The following SOX5 variants were observed in gnomAD, a reference collection of about 807,000 sequenced individuals.
SOX5 encodes the protein transcription factor SOX-5.
A neutral mutation model predicts 92.0 loss-of-function variants in SOX5; 9 were observed. That is an observed-to-expected ratio of 0.10 (90% confidence interval 0.06 to 0.17). The LOEUF is 0.17. Among genes scored for constraint, SOX5 ranks in the 10% least tolerant of loss-of-function variants. SOX5 has a pLI of 1.00. For synonymous variants in SOX5, 344 were observed against 336.3 expected (o/e 1.02, Z -0.25); for missense variants, 642 against 944.5 (o/e 0.68, Z 4.20).
At chr12:23,593,413 T>C (rs1421132917) in intron 9 of SOX5, among the ~76,000 whole-genome samples, 1 of 152,208 alleles carries the variant, frequency 6.6e-6, no homozygotes, top group Non-Finnish European at 1.5e-5. Context: ...TGAATAATGA[T>C]GGAGAACCTC....
intron 8 of SOX5, among the ~76,000 whole-genome samples, chr12:23,608,270 A>G (rs915006569): frequency 6.6e-6 from 1 of 152,120 alleles, no homozygotes; most frequent in Non-Finnish European, 1.5e-5. Flanking sequence ...TGTGATCTCT[A>G]AAACTTCACA....
intron 8 of SOX5, among the ~76,000 whole-genome samples, chr12:23,622,449 C>T (rs1350359709): frequency 2.0e-5 from 3 of 151,990 alleles, no homozygotes; most frequent in Non-Finnish European, 2.9e-5. Context: ...CTTTTCTGAT[C>T]CTACACTTCA....
At chr12:24,237,653 T>C (rs537888298) in intron 3 of SOX5, among the ~76,000 whole-genome samples, 32 of 152,066 alleles carry the variant, frequency 2.1e-4, no homozygotes, top group Non-Finnish European at 4.1e-4. Context: ...TTTGAACTAG[T>C]CAAGTTGTAT....
intron 4 of SOX5, among the ~76,000 whole-genome samples, chr12:24,116,787 T>C (rs536200248): frequency 3.3e-5 from 5 of 152,286 alleles, no homozygotes; most frequent in Admixed American, 2.6e-4. Flanking sequence ...CTGCTCTGTA[T>C]TGTTTAATTT....
chr12:24,079,339 A>T (rs1211764079), intron 4 of SOX5, among the ~76,000 whole-genome samples: 1 of 151,918 alleles, frequency 6.6e-6, no homozygotes, highest in Non-Finnish European at 1.5e-5. Flanking sequence ...GAACCATCTA[A>T]CTGTTAACCC....
intron 3 of SOX5, among the ~76,000 whole-genome samples, chr12:24,243,022 T>A (rs1937784648): frequency 1.3e-5 from 2 of 152,124 alleles, no homozygotes; most frequent in Admixed American, 6.5e-5. Context: ...TCTTTATACA[T>A]AGCAAGAGGA....
chr12:23,708,140 A>C (rs1489773920), intron 6 of SOX5, among the ~76,000 whole-genome samples: 2 of 152,052 alleles, frequency 1.3e-5, no homozygotes, highest in Non-Finnish European at 1.5e-5. Flanking sequence ...AATACTATAG[A>C]GGTTCAGAAG....
At chr12:24,088,791 C>G (rs913127935) in intron 4 of SOX5, among the ~76,000 whole-genome samples, 1 of 152,012 alleles carries the variant, frequency 6.6e-6, no homozygotes, top group Non-Finnish European at 1.5e-5. Context: ...TACAATCCTA[C>G]TGATAACAGT....
chr12:23,846,035 A>G lies in SOX5; in HGVS notation c.429T>C (p.Val143=), dbSNP rs753905699. 44 of 1,614,014 alleles carry G rather than the reference A, an allele frequency of 2.7e-5. No individual in the cohort carries two copies. Among genetic ancestry groups the G allele is most frequent in the Non-Finnish European group, 3.6e-5 (42 of 1,180,010 alleles). ...ERRKGSLADV[V]DTLKQRKMEE... ...CCATTTTCCTCTGCTTCAAGGTGTC[A>G]ACAACATCAGCTAAACTGCCCTTGC... Residue 143 remains valine (V), a synonymous_variant, in exon 3 of 15, where the codon GTT becomes GTC. Transcript: ENST00000451604.
intron 2 of SOX5, among the ~76,000 whole-genome samples, chr12:23,872,747 A>G (rs1178851013): frequency 1.3e-5 from 2 of 152,204 alleles, no homozygotes; most frequent in African/African-American, 4.8e-5. Flanking sequence ...TGACTAATAT[A>G]ACCTTGATTT....
Position 24,198,235 on chromosome 12 carries a change from T to C in SOX5, c.-2+15108A>G, listed in dbSNP as rs529260898. ...TCCAAAATGAGAACAGAAACAATTG[T>C]AAAAAGAAAGGAGAGGGAGGGGTTG... is the stretch of plus-strand genomic sequence containing the variant. On this transcript the variant is annotated intron_variant, in intron 4 of 4. Transcript: ENST00000446891. Among the ~76,000 whole-genome samples, 35 of 144,700 alleles carry C rather than the reference T, an allele frequency of 2.4e-4. 1 individual carries two copies. The highest frequency in any genetic ancestry group is 8.9e-4 in the African/African-American group (35 of 39,414). The allele number at this position is 144,700 out of a possible 152,430, so 94.9% of individuals were successfully genotyped here. A position where few individuals can be genotyped will look rare whatever the true frequency, so the allele number is the denominator to read the frequency against.
At chr12:24,204,503 AT>A (rs1957839215) in intron 4 of SOX5, among the ~76,000 whole-genome samples, 1 of 151,846 alleles carries the variant, frequency 6.6e-6, no homozygotes, top group African/African-American at 2.4e-5. Flanking sequence ...TAATTTTTGT[AT>A]TTTTAGTAGA....
chr12:24,383,011 C>G (rs531818588), intron 1 of SOX5, among the ~76,000 whole-genome samples: 1 of 152,234 alleles, frequency 6.6e-6, no homozygotes, highest in East Asian at 1.9e-4. Flanking sequence ...AAATGTATAT[C>G]CCCAAATAAG....
At chr12:23,552,660 T>A (rs114996276) in intron 11 of SOX5, among the ~76,000 whole-genome samples, 1,989 of 152,074 alleles carry the variant, frequency 0.013, 44 homozygotes, top group African/African-American at 0.046. Flanking sequence ...TTGTAAGTTA[T>A]CAGGTGAAAG....
At chr12:23,713,744 T>TATATG (rs2092269346) in intron 6 of SOX5, among the ~76,000 whole-genome samples, 1 of 148,260 alleles carries the variant, frequency 6.7e-6, no homozygotes, top group African/African-American at 2.5e-5. Flanking sequence ...AATATACATA[T>TATATG]ATATGCGTGT....
chr12:23,870,189 A>T (rs890845114), intron 2 of SOX5, among the ~76,000 whole-genome samples: 1 of 152,138 alleles, frequency 6.6e-6, no homozygotes, highest in African/African-American at 2.4e-5. Context: ...AGGTGATCAG[A>T]AAAAGACTAG....
intron 2 of SOX5, among the ~76,000 whole-genome samples, chr12:23,877,450 A>T (rs76242788): frequency 6.6e-6 from 1 of 152,100 alleles, no homozygotes; most frequent in Non-Finnish European, 1.5e-5. Context: ...CCTCCTTTCT[A>T]TGTAGTCCTA....
At chr12:23,744,002 T>G (rs1196382100) in intron 4 of SOX5, among the ~76,000 whole-genome samples, 1 of 152,214 alleles carries the variant, frequency 6.6e-6, no homozygotes, top group East Asian at 1.9e-4. Flanking sequence ...AAAACAAAAT[T>G]TCTAATTTTA....
chr12:24,390,178 G>A (rs1380586076), intron 1 of SOX5, among the ~76,000 whole-genome samples: 1 of 151,998 alleles, frequency 6.6e-6, no homozygotes, highest in East Asian at 1.9e-4. Context: ...ACCAGCTTTA[G>A]ACATTAAATT....
Sources: allele counts gnomAD v4.1 joint callset (sites outside exome capture counted in the v4.1 genomes callset), GRCh38; gene constraint gnomAD v4.1.1; transcripts MANE v1.5; gene names NCBI Gene and HGNC (gene_info 2026-07-23, HGNC 2026-07-21).